Variants in PEAK1 observed in about 807,000 individuals in gnomAD.
The protein encoded by PEAK1 is pseudopodium enriched atypical kinase 1.
In PEAK1, 54 loss-of-function variants were observed where a neutral mutation model predicts 124.7. The observed-to-expected ratio is 0.43, with a 90% CI of 0.35 to 0.54. The LOEUF (loss-of-function observed/expected upper bound fraction) is 0.54, where lower values mean the gene tolerates loss of function less well. Among genes scored for constraint, PEAK1 ranks in the 20% least tolerant of loss-of-function variants. The pLI is 0.01. For synonymous variants in PEAK1, 719 were observed against 760.0 expected, an observed-to-expected ratio of 0.95 and a Z score of 0.89; for missense variants, 2,046 against 2,134.5, an observed-to-expected ratio of 0.96 and a Z score of 0.82.
chr15:77,132,968 G>C, intron 9 of PEAK1, 37 bp downstream of exon 9: 1 of 1,564,998 alleles, frequency 6.4e-7, no homozygotes, highest in South Asian at 1.2e-5. Flanking sequence ...CAATGTAGTG[G>C]TTAAGACTTA....
chr15:77,269,230 T>C (rs575061881), intron 5 of PEAK1, among the ~76,000 whole-genome samples: 1 of 152,196 alleles, frequency 6.6e-6, no homozygotes, highest in Admixed American at 6.5e-5. Context: ...AATGGCAGAA[T>C]GGATAAGAAT....
chr15:77,146,605 A>G (rs1267821430), intron 8 of PEAK1, among the ~76,000 whole-genome samples: 1 of 152,242 alleles, frequency 6.6e-6, no homozygotes, highest in Non-Finnish European at 1.5e-5. Flanking sequence ...GACAGAGTGT[A>G]TGATTTCTTT....
chr15:77,313,644 A>ATGTGTGTGTG (rs1166778709), intron 2 of PEAK1, among the ~76,000 whole-genome samples: 13 of 75,412 alleles, frequency 1.7e-4, no homozygotes, highest in South Asian at 4.1e-4. Flanking sequence ...GTATGTATGT[A>ATGTGTGTGTG]TGTATGTATG....
In PEAK1 at chr15:77,179,401, T is replaced by G. The variant is rs367896823; in HGVS notation, c.2526A>C (p.Val842=). 9.9e-6 allele frequency: 16 copies of G among 1,613,962 alleles called. No homozygotes were observed. Among genetic ancestry groups the G allele is most frequent in the Non-Finnish European group, 1.4e-5 (16 of 1,180,026 alleles). ...PQTTDSPTTK[V]QKDPSIKPVT... Reference sequence around the variant, plus strand: ...CTGGCTTTATGGATGGGTCTTTCTGTACTTTGGTGGTAGGACTGTCTGTGG... The same window carrying G: ...CTGGCTTTATGGATGGGTCTTTCTGGACTTTGGTGGTAGGACTGTCTGTGG... Residue 842 remains valine (V), a synonymous_variant, in exon 7 of 10, where the codon GTA becomes GTC. Transcript: ENST00000682557.
In PEAK1 at chr15:77,333,673, TACC is replaced by T. The variant is rs1028480979; in HGVS notation, c.-603+31487_-603+31489del. 1.1e-5 allele frequency: 11 copies of T among 974,582 alleles called. No homozygotes were observed. The African/African-American group carries it at 1.9e-4, about 17-fold the overall frequency. 60.4% of individuals were successfully genotyped at this position (974,582 alleles called of 1,614,324 possible). On this transcript the variant is annotated intron_variant, in intron 2 of 9. Coordinates refer to ENST00000682557, the MANE Select transcript of PEAK1 (RefSeq NM_001385026.1). Reference sequence around the variant, plus strand: ...TGTGATAATTTTAAGTCAATATTCTTACCACTTTTGTTTACTAATTCATTCTCC... The same window carrying T: ...TGTGATAATTTTAAGTCAATATTCTTACTTTTGTTTACTAATTCATTCTCC...
chr15:77,388,967 T>A (rs117030482), intron 1 of PEAK1, among the ~76,000 whole-genome samples: 2,639 of 150,578 alleles, frequency 0.018, 194 homozygotes, highest in East Asian at 0.14. Flanking sequence ...CTTATTTTTT[T>A]TTTTTTTTTT....
intron 1 of PEAK1, among the ~76,000 whole-genome samples, chr15:77,408,899 T>C (rs1483111857): frequency 6.6e-6 from 1 of 151,956 alleles, no homozygotes; most frequent in East Asian, 1.9e-4. Flanking sequence ...AGGGAAACTG[T>C]CTCCAAAAAA....
intron 8 of PEAK1, among the ~76,000 whole-genome samples, chr15:77,154,730 C>A (rs2054968009): frequency 6.6e-6 from 1 of 151,978 alleles, no homozygotes; most frequent in South Asian, 2.1e-4. Flanking sequence ...TATTTTATTT[C>A]TCCTTCACTT....
intron 2 of PEAK1, chr15:77,338,002 T>C: frequency 1.0e-6 from 1 of 984,474 alleles, no homozygotes; most frequent in Non-Finnish European, 1.2e-6. Context: ...ATAAATTATC[T>C]TGAGGTAAAA....
chr15:77,397,013 T>C (rs2141976838), intron 1 of PEAK1, among the ~76,000 whole-genome samples: 1 of 152,318 alleles, frequency 6.6e-6, no homozygotes, highest in Non-Finnish European at 1.5e-5. Flanking sequence ...ATACACATTC[T>C]TCTCCTCAGC....
chr15:77,274,624 C>A (rs1219141766), intron 5 of PEAK1, among the ~76,000 whole-genome samples: 2 of 151,500 alleles, frequency 1.3e-5, no homozygotes, highest in African/African-American at 2.4e-5. Context: ...AATTAAAAAA[C>A]CAAAAATAAA....
At chr15:77,398,742 T>G (rs544872429) in intron 1 of PEAK1, among the ~76,000 whole-genome samples, 60 of 152,214 alleles carry the variant, frequency 3.9e-4, no homozygotes, top group African/African-American at 1.4e-3. Context: ...TTATTCAAAA[T>G]AATACTGGAA....
intron 8 of PEAK1, among the ~76,000 whole-genome samples, chr15:77,135,876 G>A (rs1332073449): frequency 6.6e-6 from 1 of 152,144 alleles, no homozygotes; most frequent in African/African-American, 2.4e-5. Flanking sequence ...AAATTGCCTG[G>A]TCTCGTGTAT....
intron 2 of PEAK1, chr15:77,350,547 C>T: frequency 2.0e-6 from 2 of 978,906 alleles, no homozygotes; most frequent in Non-Finnish European, 2.4e-6. Flanking sequence ...TGTGAGTCTC[C>T]TTAGTGTTAA....
chr15:77,287,183 T>C (rs2062973745), intron 2 of PEAK1, among the ~76,000 whole-genome samples: 1 of 152,162 alleles, frequency 6.6e-6, no homozygotes. Flanking sequence ...AACTACCATA[T>C]TAATCCACAT....
intron 2 of PEAK1, among the ~76,000 whole-genome samples, chr15:77,313,698 A>G (rs1202057001): frequency 1.2e-4 from 13 of 105,684 alleles, no homozygotes; most frequent in Non-Finnish European, 2.5e-4. Context: ...GTGTGTATAT[A>G]TATATATGTA....
chr15:77,206,868 T>A lies in PEAK1; in HGVS notation c.-114-24828A>T, dbSNP rs559178329. 7.3e-4 allele frequency among the ~76,000 whole-genome samples: 111 copies of A among 151,980 alleles called. 1 individual carries two copies. Among genetic ancestry groups the A allele is most frequent in the Admixed American group, 2.7e-3 (42 of 15,282 alleles). ...CACACTACCTGACTTCAAACTATAC[T>A]ACAAGGCTACAGTAACCAAAACAGC... On this transcript the variant is annotated intron_variant, in intron 6 of 9. Transcript: ENST00000682557.
Position 77,371,042 on chromosome 15 carries a change from A to G in PEAK1, c.-665-5817T>C, listed in dbSNP as rs184491002. 777 of 911,470 alleles carry G rather than the reference A, an allele frequency of 8.5e-4. 1 individual carries two copies. Among genetic ancestry groups the G allele is most frequent in the African/African-American group, 8.2e-3 (457 of 55,468 alleles). The allele number at this position is 911,470 out of a possible 1,614,324, so 56.5% of individuals were successfully genotyped here. On this transcript the variant is annotated intron_variant, in intron 1 of 9. Coordinates refer to ENST00000682557, the MANE Select transcript of PEAK1 (RefSeq NM_001385026.1). ...AGACTCCGTCTCAAAAAAAAAAAAA[A>G]AAAGAAAGAAAGAAAGAAAAATCCA... is the stretch of plus-strand genomic sequence containing the variant.
At chr15:77,347,414 C>T in intron 2 of PEAK1, 3 of 985,310 alleles carry the variant, frequency 3.0e-6, no homozygotes, top group Non-Finnish European at 3.6e-6. Context: ...CTGGCTGAAT[C>T]AGTGCTGTCA....
Sources: gnomAD v4.1 joint callset for allele counts (sites outside exome capture counted in the v4.1 genomes callset) on GRCh38, gnomAD v4.1.1 for gene constraint, MANE v1.5 for transcripts, NCBI Gene and HGNC (gene_info 2026-07-23, HGNC 2026-07-21) for gene names.